Variants in LRP2 observed in about 807,000 individuals in gnomAD.
LRP2 encodes low-density lipoprotein receptor-related protein 2.
A neutral mutation model predicts 531.0 loss-of-function variants in LRP2; 172 were observed. That is an observed-to-expected ratio of 0.32 (90% CI 0.29 to 0.37). The LOEUF (loss-of-function observed/expected upper bound fraction) is 0.37. LRP2 is among the 10% of genes least tolerant of loss of function. LRP2 has a pLI of 1.00. For missense variants in LRP2, 5,167 were observed against 5,868.3 expected, an observed-to-expected ratio of 0.88 and a Z score of 3.90; for synonymous variants, 1,992 against 2,027.6, an observed-to-expected ratio of 0.98 and a Z score of 0.47.
Position 169,172,138 on chromosome 2 carries a change from C to G in LRP2, c.11144-4G>C. 6.2e-7 allele frequency: 1 copy of G among 1,614,110 alleles called. No individual in the cohort carries two copies. The highest frequency in any genetic ancestry group is 8.5e-7 in the Non-Finnish European group (1 of 1,179,982). On this transcript the variant is annotated splice_polypyrimidine_tract_variant and splice_region_variant and intron_variant, in intron 57 of 78. Transcript: ENST00000649046. ...ACAGGATGGCATGTCCTCTCCTCTGCAAAGCAGTCATTGCAAAGACTTCAT... is the reference window on the plus strand; with the variant it reads ...ACAGGATGGCATGTCCTCTCCTCTGGAAAGCAGTCATTGCAAAGACTTCAT...
chr2:169,204,792 A>G (rs1688319235), intron 41 of LRP2, among the ~76,000 whole-genome samples: 1 of 152,252 alleles, frequency 6.6e-6, no homozygotes, highest in Non-Finnish European at 1.5e-5. Context: ...GAAATATGCA[A>G]GAAAAATTAA....
chr2:169,202,708 A>C, intron 43 of LRP2, 48 bp downstream of exon 43: 1 of 1,583,358 alleles, frequency 6.3e-7, no homozygotes, highest in Non-Finnish European at 8.7e-7. Context: ...AACACTTGAC[A>C]TCAAGATGCC....
chr2:169,135,725 G>GC (rs35439968), intron 76 of LRP2, among the ~76,000 whole-genome samples: 117,524 of 152,000 alleles, frequency 0.77, 45,742 homozygotes, highest in Middle Eastern at 0.82. Flanking sequence ...ACAGGGTACA[G>GC]CCATTTAAGC....
chr2:169,275,745 T>G (rs957561390), intron 13 of LRP2, among the ~76,000 whole-genome samples: 1 of 152,076 alleles, frequency 6.6e-6, no homozygotes, highest in Non-Finnish European at 1.5e-5. Flanking sequence ...CTGTTCCTGA[T>G]GTCACTGTAA....
rs563524924 is a variant in LRP2, at chr2:169,268,535, A to G, written c.2320+2369T>C. ...ATGATTATCTCAATAGATGCAGAAA[A>G]GGCCTTTGACAAAATTCAACAGCCC... On this transcript the variant is annotated intron_variant, in intron 16 of 78. Transcript: ENST00000649046. Among the ~76,000 whole-genome samples the G allele has an allele frequency of 7.1e-3, 1,087 of 152,360 alleles. 7 individuals are homozygous for G. The highest frequency in any genetic ancestry group is 0.034 in the Middle Eastern group (10 of 294).
In LRP2 at chr2:169,127,622, C is replaced by A. The variant is rs1387973844; in HGVS notation, c.*1041G>T. Reference sequence around the variant, plus strand: ...TCTAATATAAATGTACACATTTAGCCACAGGGCCTAATAAAAAGCTTAATA... The same window carrying A: ...TCTAATATAAATGTACACATTTAGCAACAGGGCCTAATAAAAAGCTTAATA... On this transcript the variant is annotated 3_prime_UTR_variant, in exon 79 of 79. Transcript: ENST00000649046. 1 of 151,222 alleles carries A rather than the reference C, an allele frequency of 6.6e-6. No homozygotes were observed. The highest frequency in any genetic ancestry group is 2.4e-5 in the African/African-American group (1 of 40,952). The allele number at this position is 151,222 out of a possible 1,614,324, so 9.4% of individuals were successfully genotyped here. A position where few individuals can be genotyped will look rare whatever the true frequency, so the allele number is the denominator to read the frequency against.
chr2:169,194,785 ATCTCGGCTCACTGCAAC>A (rs1687949879), intron 46 of LRP2, among the ~76,000 whole-genome samples: 1 of 135,858 alleles, frequency 7.4e-6, no homozygotes, highest in Non-Finnish European at 1.5e-5. Flanking sequence ...CAGTGGTGCG[ATCTCGGCTCACTGCAAC>A]CTCCGCCTCC....
chr2:169,230,564 A>C (rs1000958035), intron 31 of LRP2, among the ~76,000 whole-genome samples: 2 of 152,204 alleles, frequency 1.3e-5, no homozygotes, highest in African/African-American at 2.4e-5. Flanking sequence ...TGATCATTAA[A>C]CATTTAAGTT....
intron 4 of LRP2, among the ~76,000 whole-genome samples, chr2:169,305,368 A>G (rs1301342234): frequency 6.6e-6 from 1 of 152,196 alleles, no homozygotes; most frequent in Admixed American, 6.5e-5. Flanking sequence ...GCCATAATCA[A>G]TGTATGTTAG....
rs781167704 is a variant in LRP2, at chr2:169,170,617, T to G, written c.11314A>C (p.Ile3772Leu). Reference sequence around the variant, plus strand: ...TGGTCACAGATCCATCGCGAGGGAATGCACTGCTGATTGACACATCGAAAC... The same window carrying G: ...TGGTCACAGATCCATCGCGAGGGAAGGCACTGCTGATTGACACATCGAAAC... The part of the protein sequence containing the change: ...SEFRCVNQQC[I>L]PSRWICDHYN... The change falls in exon 59 of 79, where the codon ATT becomes CTT. Residue 3772 changes from isoleucine to leucine, a missense_variant. Around this residue, in one of 6 missense-constraint regions of LRP2, gnomAD observed 564 missense variants for 747.7 expected, o/e 0.75. Coordinates refer to ENST00000649046, the MANE Select transcript of LRP2 (RefSeq NM_004525.3). The G allele has an allele frequency of 2.5e-6, 4 of 1,614,080 alleles. No individual in the cohort carries two copies. The highest frequency in any genetic ancestry group is 3.4e-6 in the Non-Finnish European group (4 of 1,179,976).
chr2:169,211,104 C>G (rs1489273723), intron 37 of LRP2, among the ~76,000 whole-genome samples: 1 of 152,130 alleles, frequency 6.6e-6, no homozygotes, highest in East Asian at 1.9e-4. Flanking sequence ...TATGGAAAAA[C>G]AAAGATGAGT....
intron 50 of LRP2, among the ~76,000 whole-genome samples, chr2:169,184,773 T>TC (rs1436998350): frequency 7.6e-5 from 1 of 13,232 alleles, no homozygotes; most frequent in Non-Finnish European, 1.6e-4. Context: ...GTTTGTTTTG[T>TC]TTTTTTTGAG....
At chr2:169,165,501 T>A (rs1686749590) in intron 62 of LRP2, among the ~76,000 whole-genome samples, 1 of 152,218 alleles carries the variant, frequency 6.6e-6, no homozygotes, top group Non-Finnish European at 1.5e-5. Context: ...CTGCCTTGCT[T>A]CACATGATCT....
chr2:169,223,338 C>T (rs892271509), intron 33 of LRP2, among the ~76,000 whole-genome samples: 16 of 152,184 alleles, frequency 1.1e-4, no homozygotes, highest in African/African-American at 3.6e-4. Flanking sequence ...GGGAAAGACA[C>T]GTTCCCTGCT....
rs1007247420 is a variant in LRP2 at position 169,306,448 on chromosome 2, C to T, written c.427+833G>A. Reference sequence around the variant, plus strand: ...ACTCGGGAGGCTGAGGCAGGAGAATCGCTTGAACCTGGGAGGTGGAGGTTG... The same window carrying T: ...ACTCGGGAGGCTGAGGCAGGAGAATTGCTTGAACCTGGGAGGTGGAGGTTG... On this transcript the variant is annotated intron_variant, in intron 4 of 78. Coordinates refer to ENST00000649046, the MANE Select transcript of LRP2 (RefSeq NM_004525.3). 3.9e-5 allele frequency among the ~76,000 whole-genome samples: 6 copies of T among 152,110 alleles called. No homozygotes were observed. In the East Asian group the frequency reaches 7.7e-4, roughly 20 times the overall value.
At chr2:169,184,021 G>A (rs776123841) in intron 50 of LRP2, among the ~76,000 whole-genome samples, 2 of 151,962 alleles carry the variant, frequency 1.3e-5, no homozygotes, top group Non-Finnish European at 2.9e-5. Context: ...AGACTTTCTT[G>A]CCCATCTTCC....
In LRP2 at chr2:169,138,980, C is replaced by A. The variant is rs550594940; in HGVS notation, c.13388+271G>T. Among the ~76,000 whole-genome samples, 248 of 152,276 alleles carry A rather than the reference C, an allele frequency of 1.6e-3. 1 individual carries two copies. The highest frequency in any genetic ancestry group is 5.6e-3 in the African/African-American group (232 of 41,556). The stretch of plus-strand genomic sequence containing the variant: ...AAAGCCTGGGCCATCACACAGCTGC[C>A]TTTTCACTCCTCTCTGACCTGAACA... On this transcript the variant is annotated intron_variant, in intron 74 of 78. Coordinates refer to ENST00000649046, the MANE Select transcript of LRP2 (RefSeq NM_004525.3).
intron 76 of LRP2, among the ~76,000 whole-genome samples, chr2:169,136,874 G>C (rs1295429182): frequency 6.6e-6 from 1 of 152,200 alleles, no homozygotes; most frequent in Non-Finnish European, 1.5e-5. Context: ...ATCAACTCTA[G>C]AGACCTTTGT....
In LRP2 at chr2:169,145,953, G is replaced by A. The variant is rs752841100; in HGVS notation, c.12812-30C>T. On this transcript the variant is annotated intron_variant, in intron 69 of 78. Transcript: ENST00000649046. ...TTACCCACAGGGGAAAAACAAAACA[G>A]AAGGTTATTGAAAAGAAAATACCCA... 2.5e-6 allele frequency: 4 copies of A among 1,610,168 alleles called. No homozygotes were observed. In the Admixed American group the frequency reaches 6.7e-5, roughly 27 times the overall value.
Sources: allele counts gnomAD v4.1 joint callset (sites outside exome capture counted in the v4.1 genomes callset), GRCh38; gene constraint gnomAD v4.1.1; regional missense constraint gnomAD v4.1.1; transcripts MANE v1.5; gene names NCBI Gene and HGNC (gene_info 2026-07-23, HGNC 2026-07-21).